Variants in PCDHA6 observed in about 807,000 individuals in gnomAD.
PCDHA6 encodes the protein protocadherin alpha 6.
In PCDHA6, 55 loss-of-function variants were observed where a neutral mutation model predicts 60.3. The observed-to-expected ratio is 0.91, with a 90% confidence interval of 0.73 to 1.14. The LOEUF (loss-of-function observed/expected upper bound fraction) is 1.14, where lower values mean the gene tolerates loss of function less well. PCDHA6 is among the 50% of genes most tolerant of loss of function. PCDHA6 has a pLI of 0.00. For synonymous variants in PCDHA6, 652 were observed against 557.9 expected, an observed-to-expected ratio of 1.17 and a Z score of -2.38; for missense variants, 1,327 against 1,256.5, an observed-to-expected ratio of 1.06 and a Z score of -0.85.
intron 1 of PCDHA6, among the ~76,000 whole-genome samples, chr5:140,901,318 T>A (rs1337437902): frequency 6.6e-6 from 1 of 152,202 alleles, no homozygotes; most frequent in African/African-American, 2.4e-5. Flanking sequence ...TTCCCCAATG[T>A]TTTCTTGTAG....
chr5:140,869,880 T>C (rs923843539), intron 1 of PCDHA6: 12 of 1,610,162 alleles, frequency 7.5e-6, no homozygotes, highest in South Asian at 3.3e-5. Flanking sequence ...CTAAAGAAAC[T>C]CTTGTGCTCA....
At chr5:140,973,833 T>C (rs1332537198) in intron 1 of PCDHA6, among the ~76,000 whole-genome samples, 1 of 152,242 alleles carries the variant, frequency 6.6e-6, no homozygotes, top group Non-Finnish European at 1.5e-5. Context: ...TCTGGGTACT[T>C]GCTTGTTGCC....
chr5:140,996,198 G>T (rs2097716643), intron 3 of PCDHA6, among the ~76,000 whole-genome samples: 1 of 152,168 alleles, frequency 6.6e-6, no homozygotes, highest in Non-Finnish European at 1.5e-5. Context: ...TACCCTCAAT[G>T]CAAGGATATC....
rs2150513475 is a variant in PCDHA6 at position 140,852,208 on chromosome 5, C to T, written c.2394+21723C>T. On this transcript the variant is annotated intron_variant, in intron 1 of 3. Transcript: ENST00000529310. ...AAATGCCAGTAACGTTTATTTAAAA[C>T]AAAATATTTTAATTTTTAAATTTTC... The T allele has an allele frequency of 5.2e-5, 34 of 657,540 alleles. 1 individual carries two copies. The African/African-American group carries it at 5.9e-4, about 11-fold the overall frequency. The allele number at this position is 657,540 out of a possible 1,614,324, so 40.7% of individuals were successfully genotyped here.
At chr5:140,900,924 A>C (rs553059638) in intron 1 of PCDHA6, among the ~76,000 whole-genome samples, 1 of 152,216 alleles carries the variant, frequency 6.6e-6, no homozygotes, top group South Asian at 2.1e-4. Flanking sequence ...ATGATATCTC[A>C]TTGTAGTTTT....
intron 1 of PCDHA6, among the ~76,000 whole-genome samples, chr5:140,944,319 C>T (rs1386940921): frequency 6.6e-6 from 1 of 152,104 alleles, no homozygotes. Context: ...TCCTGAGTAG[C>T]TGGGATTACA....
intron 1 of PCDHA6, among the ~76,000 whole-genome samples, chr5:140,951,121 C>A (rs1223231581): frequency 6.9e-6 from 1 of 145,374 alleles, no homozygotes; most frequent in African/African-American, 2.6e-5. Context: ...TCATTCCTTA[C>A]CAATAAGTTT....
chr5:140,861,578 C>A (rs1425852721), intron 1 of PCDHA6: 2 of 361,296 alleles, frequency 5.5e-6, no homozygotes, highest in Non-Finnish European at 1.1e-5. Flanking sequence ...TACAGGTTTT[C>A]CATGTGGAGG....
At chr5:140,836,073 G>C in intron 1 of PCDHA6, 1 of 1,613,652 alleles carries the variant, frequency 6.2e-7, no homozygotes. Flanking sequence ...CAACGCGCCG[G>C]CACTGCTGGC....
At chr5:140,984,784 A>G (rs1022121650) in intron 3 of PCDHA6, among the ~76,000 whole-genome samples, 4 of 152,168 alleles carry the variant, frequency 2.6e-5, no homozygotes, top group Non-Finnish European at 4.4e-5. Context: ...TTGCTGGGTG[A>G]GCATAGACAA....
At chr5:140,861,430 A>C in intron 1 of PCDHA6, 1 of 488,226 alleles carries the variant, frequency 2.0e-6, no homozygotes, top group Admixed American at 2.1e-5. Context: ...TTTCAGTTGG[A>C]TTCCAAAAGC....
At chr5:140,929,481 A>G (rs1192778322) in intron 1 of PCDHA6, 4 of 1,195,836 alleles carry the variant, frequency 3.3e-6, no homozygotes, top group Non-Finnish European at 4.5e-6. Flanking sequence ...GGAAGTATAG[A>G]AGTATTAGAA....
intron 1 of PCDHA6, among the ~76,000 whole-genome samples, chr5:140,890,562 C>T (rs1456006217): frequency 1.3e-5 from 2 of 151,980 alleles, no homozygotes; most frequent in Non-Finnish European, 2.9e-5. Flanking sequence ...TTTTATTGTT[C>T]CATTTCCTTC....
At chr5:140,980,716 G>T (rs1246125435) in intron 2 of PCDHA6, among the ~76,000 whole-genome samples, 1 of 151,830 alleles carries the variant, frequency 6.6e-6, no homozygotes, top group Non-Finnish European at 1.5e-5. Context: ...TCCTATTCGG[G>T]TTTCAATTAA....
At position 140,876,007 on chromosome 5, in the gene PCDHA6, G is replaced by A. The variant is rs1177191662; in HGVS notation, c.2394+45522G>A. 9 of 1,613,658 alleles carry A rather than the reference G, an allele frequency of 5.6e-6. No individual in the cohort carries two copies. Among genetic ancestry groups the A allele is most frequent in the Non-Finnish European group, 7.6e-6 (9 of 1,179,880 alleles). ...TGCGTTAAGTCTAAATGAGAATTTTGAGCTTAAAATAAAAACAAAAAAAGA... is the reference window on the plus strand; with the variant it reads ...TGCGTTAAGTCTAAATGAGAATTTTAAGCTTAAAATAAAAACAAAAAAAGA... On this transcript the variant is annotated intron_variant, in intron 1 of 3. Transcript: ENST00000529310.
chr5:140,946,516 C>G (rs551838143), intron 1 of PCDHA6, among the ~76,000 whole-genome samples: 1 of 151,020 alleles, frequency 6.6e-6, no homozygotes, highest in Non-Finnish European at 1.5e-5. Context: ...AAGACCTATC[C>G]GCACTCCCAT....
intron 1 of PCDHA6, chr5:140,870,784 G>A: frequency 6.2e-7 from 1 of 1,613,574 alleles, no homozygotes; most frequent in South Asian, 1.1e-5. Context: ...GAACGACAAC[G>A]CGCCGGCACT....
intron 1 of PCDHA6, among the ~76,000 whole-genome samples, chr5:140,894,202 A>G (rs1554185980): frequency 6.6e-6 from 1 of 152,034 alleles, no homozygotes. Context: ...TTTCTATGCT[A>G]TTATATTCTC....
chr5:140,829,595 C>A lies in PCDHA6; in HGVS notation c.1504C>A (p.Arg502Ser), dbSNP rs147522996. The A allele has an allele frequency of 2.5e-6, 4 of 1,611,770 alleles. No homozygotes were observed. The highest frequency in any genetic ancestry group is 3.4e-6 in the Non-Finnish European group (4 of 1,179,782). Reference protein sequence around the residue: ...YSLVERRVGERALSSYISVHA... With the variant: ...YSLVERRVGESALSSYISVHA... ...GCTGGTGGAGCGGCGGGTGGGCGAG[C>A]GCGCGTTGTCGAGCTACATTTCGGT... The change falls in exon 1 of 4, where the codon CGC (arginine) becomes AGC (serine). Residue 502 changes from arginine to serine, a missense_variant. Physicochemically the swap from Arg to Ser is moderately radical, Grantham distance 110 (BLOSUM62 -1). Transcript: ENST00000529310.
Sources: allele counts gnomAD v4.1 joint callset (sites outside exome capture counted in the v4.1 genomes callset), GRCh38; gene constraint gnomAD v4.1.1; transcripts MANE v1.5; gene names NCBI Gene and HGNC (gene_info 2026-07-23, HGNC 2026-07-21).